PTGR3: variants seen among roughly 807,000 people sequenced by gnomAD.
PTGR3 encodes the protein zinc binding alcohol dehydrogenase domain containing 2.
the PTGR3 span, chr18:75,201,808 C>A: frequency 6.2e-7 from 1 of 1,614,186 alleles, no homozygotes; most frequent in Non-Finnish European, 8.5e-7. Flanking sequence ...GCTCCCCCAA[C>A]AGATTCATAG....
the PTGR3 span, among the ~76,000 whole-genome samples, chr18:75,207,421 T>A: frequency 6.6e-6 from 1 of 152,236 alleles, no homozygotes; most frequent in African/African-American, 2.4e-5. Flanking sequence ...AAATCACTCA[T>A]GCGTTCTGTG....
the PTGR3 span, chr18:75,205,450 A>C: frequency 1.1e-4 from 110 of 985,370 alleles, no homozygotes; most frequent in Non-Finnish European, 1.3e-4. Context: ...GGATCCACTT[A>C]AAAGACTAAA....
At chr18:75,208,327 C>T in the PTGR3 span, 4 of 986,322 alleles carry the variant, frequency 4.1e-6, no homozygotes, top group South Asian at 4.7e-5. Context: ...ACACATCCAA[C>T]GACAGGCTCC....
chr18:75,202,222 A>G, the PTGR3 span: 1 of 1,614,206 alleles, frequency 6.2e-7, no homozygotes, highest in Non-Finnish European at 8.5e-7. Flanking sequence ...GCACTAGCAG[A>G]GAGGCCTAGG....
the PTGR3 span, chr18:75,201,323 T>C: frequency 3.0e-5 from 33 of 1,106,402 alleles, no homozygotes; most frequent in East Asian, 1.2e-4. Context: ...AAATATTATA[T>C]CCATTACCAA....
the PTGR3 span, chr18:75,205,634 A>C: frequency 3.0e-6 from 1 of 328,024 alleles, no homozygotes; most frequent in Non-Finnish European, 4.4e-6. Context: ...CTGAACAAAA[A>C]CCAAAGGCGA....
the PTGR3 span, among the ~76,000 whole-genome samples, chr18:75,207,156 C>A: frequency 3.5e-4 from 53 of 152,258 alleles, no homozygotes; most frequent in Non-Finnish European, 7.1e-4. Context: ...CAGGTGGTCC[C>A]ACCAGGCTGT....
At chr18:75,205,029 G>C in the PTGR3 span, among the ~76,000 whole-genome samples, 1 of 152,176 alleles carries the variant, frequency 6.6e-6, no homozygotes, top group Non-Finnish European at 1.5e-5. Context: ...CTGACGGCAG[G>C]AGCCCGCGGC....
the PTGR3 span, among the ~76,000 whole-genome samples, chr18:75,203,380 G>C: frequency 2.0e-5 from 3 of 152,278 alleles, no homozygotes; most frequent in East Asian, 5.8e-4. Flanking sequence ...ACTGGTGGAG[G>C]AGGAAAGCCG....
the PTGR3 span, chr18:75,197,407 C>T: frequency 1.1e-4 from 17 of 152,184 alleles, no homozygotes; most frequent in South Asian, 8.3e-4. Flanking sequence ...CTTCTATATA[C>T]CCGTAAGAAT....
chr18:75,208,882 G>A, the PTGR3 span: 1 of 1,545,362 alleles, frequency 6.5e-7, no homozygotes, highest in Non-Finnish European at 8.7e-7. Context: ...CGTCCCCGGG[G>A]AGCGGCACCG....
the PTGR3 span, chr18:75,196,812 C>CA: frequency 6.6e-6 from 1 of 151,996 alleles, no homozygotes; most frequent in East Asian, 1.9e-4. Context: ...CACCAATGGG[C>CA]AGGTCTATAA....
At chr18:75,208,580 G>T in the PTGR3 span, 1 of 1,004,390 alleles carries the variant, frequency 1.0e-6, no homozygotes, top group Non-Finnish European at 1.2e-6. Context: ...GAGGGCTGGA[G>T]GAGGGGAGGG....
chr18:75,195,773 G>A, the PTGR3 span: 1 of 152,120 alleles, frequency 6.6e-6, no homozygotes, highest in Non-Finnish European at 1.5e-5. Flanking sequence ...CATTAGCCAG[G>A]CATGGTAATG....
chr18:75,207,058 CCA>C, the PTGR3 span, among the ~76,000 whole-genome samples: 1 of 152,180 alleles, frequency 6.6e-6, no homozygotes, highest in Non-Finnish European at 1.5e-5. Flanking sequence ...AAAAAAAACC[CCA>C]CAGAGTTTAT....
chr18:75,199,631 ATAAC>A, the PTGR3 span: 2 of 151,628 alleles, frequency 1.3e-5, no homozygotes, highest in Non-Finnish European at 2.9e-5. Flanking sequence ...GGATGGATGA[ATAAC>A]TAAGCACCAC....
chr18:75,203,354 T>C, the PTGR3 span, among the ~76,000 whole-genome samples: 5 of 152,250 alleles, frequency 3.3e-5, no homozygotes, highest in African/African-American at 9.6e-5. Flanking sequence ...TGTAATAGAA[T>C]GAAAAGGTAA....
At chr18:75,201,753 A>C in the PTGR3 span, 1 of 1,614,186 alleles carries the variant, frequency 6.2e-7, no homozygotes, top group East Asian at 2.2e-5. Context: ...TATTACTATC[A>C]AGCGCCCTTT....
chr18:75,198,872 A>T, the PTGR3 span: 1 of 152,640 alleles, frequency 6.6e-6, no homozygotes, highest in Non-Finnish European at 1.5e-5. Context: ...ACAGTTCAGA[A>T]GAAAGGTGTT....
Sources: gnomAD v4.1 joint callset for allele counts (sites outside exome capture counted in the v4.1 genomes callset) on GRCh38, gnomAD v4.1.1 for gene constraint, MANE v1.5 for transcripts, NCBI Gene and HGNC (gene_info 2026-07-23, HGNC 2026-07-21) for gene names.